Variants in SVEP1 observed in about 807,000 individuals in gnomAD.
SVEP1 encodes the protein sushi, von Willebrand factor type A, EGF and pentraxin domain-containing protein 1.
SVEP1 carries 164 observed loss-of-function variants against 367.3 expected under a neutral mutation model. The ratio of observed to expected loss-of-function variants is 0.45; its 90% confidence interval spans 0.39 to 0.51. The LOEUF is 0.51. Among genes scored for constraint, SVEP1 ranks in the 20% least tolerant of loss-of-function variants. The probability of loss-of-function intolerance (pLI) is 0.00; values close to 1 mark genes in which losing one functional copy is unlikely to be tolerated. For missense variants in SVEP1, 4,117 were observed against 4,425.3 expected (o/e 0.93, Z 1.98); for synonymous variants, 1,666 against 1,611.6 (o/e 1.03, Z -0.81).
At chr9:110,458,820 A>C in intron 19 of SVEP1, 132 bp downstream of exon 19, 3 of 1,147,890 alleles carry the variant, frequency 2.6e-6, no homozygotes, top group Non-Finnish European at 3.6e-6. Context: ...AAAATACCTC[A>C]GAAGGACAAT....
Position 110,369,920 on chromosome 9 carries a change from TA to T in SVEP1, c.10694+2del. 6.2e-7 allele frequency: 1 copy of T among 1,611,196 alleles called. No homozygotes were observed. The highest frequency in any genetic ancestry group is 1.1e-5 in the South Asian group (1 of 90,500). Reference sequence around the variant, plus strand: ...GGCGAACATTAGTTTTTGGTTATCTTACCTGGAACAGTTATGTCCCGTCCAA... The same window carrying T: ...GGCGAACATTAGTTTTTGGTTATCTTCCTGGAACAGTTATGTCCCGTCCAA... On this transcript the variant is annotated splice_donor_variant, in intron 47 of 47. Coordinates refer to ENST00000374469, the MANE Select transcript of SVEP1 (RefSeq NM_153366.4). LOFTEE classifies it high-confidence loss of function.
chr9:110,404,811 G>A (rs1564132552), intron 38 of SVEP1, among the ~76,000 whole-genome samples: 1 of 152,108 alleles, frequency 6.6e-6, no homozygotes, highest in African/African-American at 2.4e-5. Flanking sequence ...GACCACTTGA[G>A]TCCAGGAGCT....
Position 110,462,835 on chromosome 9 carries a change from T to C in SVEP1, c.3322+3030A>G, listed in dbSNP as rs117217603. Among the ~76,000 whole-genome samples the C allele has an allele frequency of 8.3e-3, 1,258 of 152,096 alleles. 11 individuals are homozygous for C. The highest frequency in any genetic ancestry group is 0.014 in the Non-Finnish European group (957 of 67,916). ...AAATGTCATATCACTTGTGCTGTTC[T>C]CTGACAGTGTTAAGGGCAACACATA... is the stretch of plus-strand genomic sequence containing the variant. On this transcript the variant is annotated intron_variant, in intron 18 of 47. Transcript: ENST00000374469.
intron 1 of SVEP1, among the ~76,000 whole-genome samples, chr9:110,558,423 A>G (rs1237459785): frequency 4.0e-5 from 6 of 149,194 alleles, no homozygotes; most frequent in African/African-American, 1.5e-4. Context: ...CTGAGGTGGG[A>G]GAACTACTTG....
chr9:110,425,270 A>G (rs1828235156), intron 36 of SVEP1, among the ~76,000 whole-genome samples: 1 of 152,160 alleles, frequency 6.6e-6, no homozygotes, highest in African/African-American at 2.4e-5. Context: ...GCTTCCCCAT[A>G]TATTATTGAA....
intron 3 of SVEP1, among the ~76,000 whole-genome samples, chr9:110,537,138 T>G (rs920364872): frequency 3.3e-5 from 5 of 152,088 alleles, no homozygotes; most frequent in Admixed American, 2.0e-4. Flanking sequence ...ATTTTTGGCA[T>G]GCAACTCAGG....
intron 43 of SVEP1, among the ~76,000 whole-genome samples, chr9:110,380,787 C>T (rs1827421875): frequency 6.6e-6 from 1 of 152,170 alleles, no homozygotes; most frequent in Non-Finnish European, 1.5e-5. Context: ...CTTTATACCT[C>T]TAGGAGAATT....
At chr9:110,488,373 C>A (rs548078884) in intron 9 of SVEP1, among the ~76,000 whole-genome samples, 1 of 151,856 alleles carries the variant, frequency 6.6e-6, no homozygotes. Context: ...AGGAAAACTA[C>A]AGAGAGAGAT....
At position 110,408,261 on chromosome 9, in the gene SVEP1, G is replaced by A. The variant is rs748969072; in HGVS notation, c.7339C>T (p.Pro2447Ser). The change falls in exon 38 of 48, where the codon CCC becomes TCC. Residue 2447 changes from proline to serine, a missense_variant. Pro to Ser is a moderately conservative substitution (Grantham distance 74, BLOSUM62 -1). Transcript: ENST00000374469. ...CCTTGCACATCAATGATTCCATTGG[G>A]GATTTCCTCAGGTTGGGGACATTCT... ...PVECPQPEEI[P>S]NGIIDVQGLA... 12 of 1,613,966 alleles carry A rather than the reference G, an allele frequency of 7.4e-6. No individual in the cohort carries two copies. The highest frequency in any genetic ancestry group is 1.0e-5 in the Non-Finnish European group (12 of 1,179,878).
intron 10 of SVEP1, 110 bp downstream of exon 10, chr9:110,483,476 T>C: frequency 1.8e-6 from 1 of 547,414 alleles, no homozygotes; most frequent in South Asian, 3.8e-5. Flanking sequence ...TTATTCATTC[T>C]CCCTAGACAG....
intron 8 of SVEP1, among the ~76,000 whole-genome samples, chr9:110,492,281 A>G (rs1001867736): frequency 6.6e-5 from 10 of 152,082 alleles, no homozygotes; most frequent in Admixed American, 2.6e-4. Flanking sequence ...GTTAGGATTC[A>G]GGTGTTATCA....
At chr9:110,400,114 T>C (rs1827833982) in intron 40 of SVEP1, among the ~76,000 whole-genome samples, 1 of 152,188 alleles carries the variant, frequency 6.6e-6, no homozygotes, top group Non-Finnish European at 1.5e-5. Context: ...CAGATTTGCT[T>C]ATGGGAACTT....
chr9:110,390,553 A>T (rs1316255792), intron 40 of SVEP1, among the ~76,000 whole-genome samples: 2 of 151,398 alleles, frequency 1.3e-5, no homozygotes, highest in Non-Finnish European at 2.9e-5. Context: ...AAACCCCCAG[A>T]AACTATTTGG....
chr9:110,572,318 T>C (rs1374475137), intron 1 of SVEP1, among the ~76,000 whole-genome samples: 2 of 152,212 alleles, frequency 1.3e-5, no homozygotes, highest in Non-Finnish European at 2.9e-5. Flanking sequence ...AGCAGTTGGC[T>C]CTCTCCATGT....
intron 7 of SVEP1, among the ~76,000 whole-genome samples, chr9:110,498,572 G>T (rs968303781): frequency 6.6e-6 from 1 of 152,268 alleles, no homozygotes; most frequent in Middle Eastern, 3.4e-3. Flanking sequence ...CCTTCTCTTA[G>T]AGATAGGACA....
chr9:110,366,079 G>T lies in SVEP1; in HGVS notation c.*460C>A, dbSNP rs1489496227. 1 of 153,712 alleles carries T rather than the reference G, an allele frequency of 6.5e-6. No homozygotes were observed. Among genetic ancestry groups the T allele is most frequent in the African/African-American group, 2.4e-5 (1 of 41,500 alleles). 9.5% of individuals were successfully genotyped at this position (153,712 alleles called of 1,614,324 possible). A position where few individuals can be genotyped will look rare whatever the true frequency, so the allele number is the denominator to read the frequency against. ...CAAAGGGGTCTCCTTTATTGTAAGG[G>T]GTCTCCTATGTGGTGCCAGTGGCAC... On this transcript the variant is annotated 3_prime_UTR_variant, in exon 48 of 48. Transcript: ENST00000374469.
At position 110,441,150 on chromosome 9, in the gene SVEP1, A is replaced by G. The variant is rs112022318; in HGVS notation, c.4639+2395T>C. ...TTTGGCACTGGCTTCCTGTTCAAGCATATTTTACAAAGAAGCAAAGGATGA... is the reference window on the plus strand; with the variant it reads ...TTTGGCACTGGCTTCCTGTTCAAGCGTATTTTACAAAGAAGCAAAGGATGA... On this transcript the variant is annotated intron_variant, in intron 27 of 47. Transcript: ENST00000374469. Among the ~76,000 whole-genome samples the G allele has an allele frequency of 2.5e-3, 384 of 152,316 alleles. 1 individual carries two copies. The highest frequency in any genetic ancestry group is 8.8e-3 in the African/African-American group (366 of 41,586).
At position 110,389,607 on chromosome 9, in the gene SVEP1, G is replaced by A. The variant is rs1424554034; in HGVS notation, c.9823-20C>T. The A allele has an allele frequency of 1.9e-6, 3 of 1,612,814 alleles. No homozygotes were observed. The highest frequency in any genetic ancestry group is 2.5e-6 in the Non-Finnish European group (3 of 1,179,408). On this transcript the variant is annotated intron_variant, in intron 40 of 47. Coordinates refer to ENST00000374469, the MANE Select transcript of SVEP1 (RefSeq NM_153366.4). ...GTTCCCCTGTGAAACAATGGAGAAA[G>A]GTCATCAAGATCATAACTCTACAAT...
intron 44 of SVEP1, among the ~76,000 whole-genome samples, chr9:110,377,599 T>C (rs529236276): frequency 6.6e-6 from 1 of 152,284 alleles, no homozygotes; most frequent in Admixed American, 6.5e-5. Flanking sequence ...AAATAAAAAT[T>C]GTATATATTT....
Sources: allele counts gnomAD v4.1 joint callset (sites outside exome capture counted in the v4.1 genomes callset), GRCh38; gene constraint gnomAD v4.1.1; transcripts MANE v1.5; gene names NCBI Gene and HGNC (gene_info 2026-07-23, HGNC 2026-07-21).